The following USP9Y variants were observed in gnomAD, a reference collection of about 807,000 sequenced individuals.
USP9Y encodes ubiquitin carboxyl-terminal hydrolase 9Y.
USP9Y carries 41 observed loss-of-function variants against 53.1 expected under a neutral mutation model. The ratio of observed to expected loss-of-function variants is 0.77; its 90% CI spans 0.60 to 1.00. The LOEUF (loss-of-function observed/expected upper bound fraction) is 1.00. USP9Y is among the 50% of genes least tolerant of loss of function. USP9Y has a pLI of 0.00. For missense variants in USP9Y, 567 were observed against 535.8 expected, an observed-to-expected ratio of 1.06 and a Z score of -0.58; for synonymous variants, 220 against 173.7, an observed-to-expected ratio of 1.27 and a Z score of -2.09.
At chrY:12,744,114 T>C (rs754627094) in intron 12 of USP9Y, among the ~76,000 whole-genome samples, 1 of 33,593 alleles carries the variant, frequency 3.0e-5, no homozygotes, top group South Asian at 6.8e-4. Flanking sequence ...GAAAATTTAA[T>C]AAGTGAAAGA....
chrY:12,800,528 G>T (rs766746243), intron 27 of USP9Y, among the ~76,000 whole-genome samples: 1 of 34,100 alleles, frequency 2.9e-5, no homozygotes, highest in East Asian at 7.6e-4. Flanking sequence ...AAGAAGACAG[G>T]CTTCAGAGAG....
At chrY:12,808,038 TAG>T (rs369599446) in intron 27 of USP9Y, among the ~76,000 whole-genome samples, 319 of 34,182 alleles carry the variant, frequency 9.3e-3, no homozygotes, top group South Asian at 0.038. Context: ...GGCTAACACT[TAG>T]AGTTTTACAT....
chrY:12,776,803 A>G lies in USP9Y; in HGVS notation c.2582A>G (p.Tyr861Cys). 2.5e-6 allele frequency: 1 copy of G among 397,910 alleles called. No individual in the cohort carries two copies. Among genetic ancestry groups the G allele is most frequent in the Non-Finnish European group, 3.5e-6 (1 of 282,673 alleles). Residue 861 changes from tyrosine (Y) to cysteine (C), a missense_variant, in exon 19 of 46, where the codon TAC (tyrosine) becomes TGC (cysteine). Physicochemically the swap from Tyr to Cys is radical, Grantham distance 194. Coordinates refer to ENST00000338981, the MANE Select transcript of USP9Y (RefSeq NM_004654.4). ...MVRVLTVIKEYINECDSDYHK... is the reference protein window; with the variant it reads ...MVRVLTVIKECINECDSDYHK... ...AGAGTATTAACTGTTATAAAAGAGT[A>G]CATTAATGAATGTGACAGTGATTAT...
chrY:12,743,929 ATT>A (rs2053458626), intron 12 of USP9Y, among the ~76,000 whole-genome samples: 1 of 29,475 alleles, frequency 3.4e-5, no homozygotes, highest in Non-Finnish European at 8.2e-5. Flanking sequence ...TTATGTTTTT[ATT>A]TTGTGTTTTA....
At chrY:12,768,576 G>T (rs2053482238) in intron 15 of USP9Y, among the ~76,000 whole-genome samples, 1 of 32,037 alleles carries the variant, frequency 3.1e-5, no homozygotes, top group Non-Finnish European at 7.6e-5. Flanking sequence ...CAAAGTGCTG[G>T]GATTACAGGC....
intron 37 of USP9Y, 23 bp from the exon 38 acceptor site, chrY:12,842,217 G>A: frequency 2.6e-6 from 1 of 385,928 alleles, no homozygotes; most frequent in Non-Finnish European, 3.7e-6. Context: ...AAAATTTGAC[G>A]TTCATAGATG....
intron 32 of USP9Y, among the ~76,000 whole-genome samples, chrY:12,818,130 G>A: frequency 1.5e-4 from 5 of 33,008 alleles, no homozygotes; most frequent in Non-Finnish European, 3.7e-4. Flanking sequence ...AGTTACTTAC[G>A]GCAGAGCACT....
chrY:12,798,328 T>A (rs2053515633), intron 27 of USP9Y, among the ~76,000 whole-genome samples: 1 of 33,067 alleles, frequency 3.0e-5, no homozygotes, highest in Non-Finnish European at 7.4e-5. Context: ...GAAGGTAATT[T>A]TGTGTATTCG....
At chrY:12,853,140 A>C in intron 42 of USP9Y, among the ~76,000 whole-genome samples, 1 of 33,960 alleles carries the variant, frequency 2.9e-5, no homozygotes, top group Admixed American at 2.6e-4. Context: ...CCCTGCCCGC[A>C]GAGGTGGAGT....
intron 45 of USP9Y, among the ~76,000 whole-genome samples, chrY:12,858,272 A>G (rs961322375): frequency 1.6e-3 from 53 of 32,898 alleles, no homozygotes; most frequent in African/African-American, 6.3e-3. Flanking sequence ...GATTGAGAAC[A>G]GCAATTGCAG....
At chrY:12,733,483 C>T in intron 7 of USP9Y, among the ~76,000 whole-genome samples, 1 of 29,761 alleles carries the variant, frequency 3.4e-5, no homozygotes, top group Non-Finnish European at 7.9e-5. Flanking sequence ...AGGCTCCCAC[C>T]ACTATGCCCA....
chrY:12,777,628 A>C, intron 19 of USP9Y, among the ~76,000 whole-genome samples: 1 of 33,615 alleles, frequency 3.0e-5, no homozygotes, highest in Non-Finnish European at 7.4e-5. Context: ...TGTGCATTTT[A>C]GCATTTTTGT....
intron 26 of USP9Y, 37 bp from the exon 27 acceptor site, chrY:12,792,995 G>A: frequency 2.6e-6 from 1 of 387,977 alleles, no homozygotes; most frequent in South Asian, 3.0e-5. Flanking sequence ...TCTTGAATAT[G>A]TCTCTAGGTA....
intron 12 of USP9Y, among the ~76,000 whole-genome samples, chrY:12,754,206 C>T (rs778110359): frequency 7.9e-5 from 2 of 25,348 alleles, no homozygotes; most frequent in East Asian, 1.9e-3. Flanking sequence ...ATACATGTTG[C>T]GTGTGTGTGT....
Position 12,857,568 on chromosome Y carries a change from G to T in USP9Y, c.7437G>T (p.Glu2479Asp). The T allele has an allele frequency of 2.6e-6, 1 of 382,325 alleles. No homozygotes were observed. Among genetic ancestry groups the T allele is most frequent in the Non-Finnish European group, 3.7e-6 (1 of 273,719 alleles). The stretch of plus-strand genomic sequence containing the variant: ...TCTCTTTAAATATTTAAAATTAGGA[G>T]CCAGATGACCAGGATGCCCCAGATG... ...AKACELCPEE[E>D]PDDQDAPDEH... The change falls in exon 45 of 46, where the codon GAG becomes GAT. Residue 2479 changes from glutamate (E) to aspartate (D), a missense_variant and splice_region_variant. Transcript: ENST00000338981.
At chrY:12,724,324 G>A (rs1603196198) in intron 5 of USP9Y, among the ~76,000 whole-genome samples, 3 of 33,924 alleles carry the variant, frequency 8.8e-5, no homozygotes, top group Non-Finnish European at 1.5e-4. Flanking sequence ...TGTAATCCCT[G>A]TAATCCCAGC....
intron 14 of USP9Y, among the ~76,000 whole-genome samples, chrY:12,759,919 G>A: frequency 3.0e-5 from 1 of 33,060 alleles, no homozygotes; most frequent in Non-Finnish European, 7.5e-5. Context: ...AAATTTGAAA[G>A]TTTCATGGGA....
intron 13 of USP9Y, among the ~76,000 whole-genome samples, chrY:12,758,304 C>G (rs536040602): frequency 3.0e-5 from 1 of 33,510 alleles, no homozygotes; most frequent in Non-Finnish European, 7.4e-5. Context: ...TTTATAGAAG[C>G]GCCTTACATT....
In USP9Y at chrY:12,736,570, A is replaced by G. The variant is rs1242469283; in HGVS notation, c.1164+21A>G. 1.8e-5 allele frequency: 7 copies of G among 392,807 alleles called. No homozygotes were observed. The South Asian group carries it at 1.8e-4, about 10-fold the overall frequency. On this transcript the variant is annotated intron_variant, in intron 10 of 45. Coordinates refer to ENST00000338981, the MANE Select transcript of USP9Y (RefSeq NM_004654.4). Reference sequence around the variant, plus strand: ...TGGCAGTAAGCCTCTTAAATCTTTTATTGTGAATAAGACACTGCTTATGGA... The same window carrying G: ...TGGCAGTAAGCCTCTTAAATCTTTTGTTGTGAATAAGACACTGCTTATGGA...
Sources: gnomAD v4.1 joint callset for allele counts (sites outside exome capture counted in the v4.1 genomes callset) on GRCh38, gnomAD v4.1.1 for gene constraint, MANE v1.5 for transcripts, NCBI Gene and HGNC (gene_info 2026-07-23, HGNC 2026-07-21) for gene names.